The following NEK8 variants were observed in gnomAD, a reference collection of about 807,000 sequenced individuals.
NEK8 encodes the protein serine/threonine-protein kinase Nek8.
A neutral mutation model predicts 77.2 loss-of-function variants in NEK8; 51 were observed. The ratio of observed to expected loss-of-function variants is 0.66; its 90% CI spans 0.53 to 0.83. The LOEUF (loss-of-function observed/expected upper bound fraction) is 0.83. Among genes scored for constraint, NEK8 ranks in the 40% least tolerant of loss-of-function variants. NEK8 has a pLI of 0.00. For synonymous variants in NEK8, 365 were observed against 363.2 expected (o/e 1.00, Z -0.06); for missense variants, 787 against 909.2 (o/e 0.87, Z 1.73).
intron 1 of NEK8, among the ~76,000 whole-genome samples, chr17:28,730,760 T>TA (rs1346785302): frequency 2.7e-5 from 4 of 148,936 alleles, no homozygotes; most frequent in Non-Finnish European, 6.0e-5. Flanking sequence ...TACAAAAAAA[T>TA]AAAAAAATTA....
chr17:28,740,806 C>T lies in NEK8; in HGVS notation c.1569-16C>T. 1 of 1,613,228 alleles carries T rather than the reference C, an allele frequency of 6.2e-7. No individual in the cohort carries two copies. Among genetic ancestry groups the T allele is most frequent in the Non-Finnish European group, 8.5e-7 (1 of 1,180,030 alleles). On this transcript the variant is annotated splice_polypyrimidine_tract_variant and intron_variant, in intron 11 of 14. Coordinates refer to ENST00000268766, the MANE Select transcript of NEK8 (RefSeq NM_178170.3). This position sits in a 1 kb window ranked among gnomAD's most constrained non-coding sequence, Gnocchi z 4.7. ...ACTGTCTGTCAGTTGGATTTGGCTT[C>T]TGGCTCTGCCCTCAGGTTCAACAAG...
At chr17:28,735,183 A>T in intron 3 of NEK8, 57 bp from the exon 4 acceptor site, 1 of 1,609,750 alleles carries the variant, frequency 6.2e-7, no homozygotes, top group Non-Finnish European at 8.5e-7. Context: ...GGGCTTATGC[A>T]CAGAGCCCCT....
Position 28,734,068 on chromosome 17 carries a change from C to A in NEK8, c.133C>A (p.Arg45=). The part of the protein sequence containing the change: ...IPVEQMTKEE[R]QAAQNECQVL... ...AGTGGAACAGATGACCAAGGAAGAG[C>A]GGCAGGCAGCCCAGAATGAGTGCCA... The change falls in exon 2 of 15, where the codon CGG becomes AGG. Residue 45 remains arginine (R), a synonymous_variant. Transcript: ENST00000268766. The A allele has an allele frequency of 2.5e-6, 4 of 1,614,156 alleles. No individual in the cohort carries two copies. Among genetic ancestry groups the A allele is most frequent in the Non-Finnish European group, 3.4e-6 (4 of 1,179,994 alleles).
rs1393326771 is a variant in NEK8, at chr17:28,737,041, T to G, written c.619-265T>G. Among the ~76,000 whole-genome samples, 447 of 127,238 alleles carry G rather than the reference T, an allele frequency of 3.5e-3. No individual in the cohort carries two copies. The highest frequency in any genetic ancestry group is 6.5e-3 in the South Asian group (25 of 3,872). The allele number at this position is 127,238 out of a possible 152,430, so 83.5% of individuals were successfully genotyped here. A position where few individuals can be genotyped will look rare whatever the true frequency, so the allele number is the denominator to read the frequency against. On this transcript the variant is annotated intron_variant, in intron 4 of 14. Coordinates refer to ENST00000268766, the MANE Select transcript of NEK8 (RefSeq NM_178170.3). The surrounding 1 kb of genome is among the most constrained non-coding windows in gnomAD (Gnocchi z 4.8). ...ATTAAATAGGGAATCCTTTCCCCAT[T>G]TCTTGTTTTTCTCAGGTTTGTCAAA...
Position 28,741,359 on chromosome 17 carries a change from CCTGCTCGGG to C in NEK8, c.1892-50_1892-42del. On this transcript the variant is annotated intron_variant, in intron 13 of 14. Coordinates refer to ENST00000268766, the MANE Select transcript of NEK8 (RefSeq NM_178170.3). This position sits in a 1 kb window ranked among gnomAD's most constrained non-coding sequence, Gnocchi z 4.5. The stretch of plus-strand genomic sequence containing the variant: ...ATCCTGGCAATGTGGGAGGGGAGAT[CCTGCTCGGG>C]CTGTGCCCACTTCCCACTTCCCTCC... 1 of 1,603,726 alleles carries C rather than the reference CCTGCTCGGG, an allele frequency of 6.2e-7. No individual in the cohort carries two copies. Among genetic ancestry groups the C allele is most frequent in the Non-Finnish European group, 8.5e-7 (1 of 1,174,674 alleles).
chr17:28,738,526 C>CA, intron 8 of NEK8, 145 bp from the exon 9 acceptor site: 1 of 781,086 alleles, frequency 1.3e-6, no homozygotes, highest in Non-Finnish European at 2.2e-6. Flanking sequence ...TGAAGGGACT[C>CA]ATATCCTTTT....
intron 1 of NEK8, among the ~76,000 whole-genome samples, chr17:28,729,288 T>C (rs2034282490): frequency 6.6e-6 from 1 of 152,148 alleles, no homozygotes; most frequent in African/African-American, 2.4e-5. Flanking sequence ...GAGGATAGAG[T>C]ACATTACCAG....
At position 28,743,106 on chromosome 17, in the gene NEK8, T is replaced by C. The variant is rs1212864686; in HGVS notation, c.*1119T>C. 4 of 144,606 alleles carry C rather than the reference T, an allele frequency of 2.8e-5. No individual in the cohort carries two copies. Among genetic ancestry groups the C allele is most frequent in the African/African-American group, 1.0e-4 (4 of 38,548 alleles). 9.0% of individuals were successfully genotyped at this position (144,606 alleles called of 1,614,324 possible). ...AAAAAAAAAAAAAAAAAAAAAAGTA[T>C]TTGGTGCTTACCGGGACTCTATCTC... On this transcript the variant is annotated 3_prime_UTR_variant, in exon 15 of 15. Coordinates refer to ENST00000268766, the MANE Select transcript of NEK8 (RefSeq NM_178170.3).
In NEK8 at chr17:28,738,113, G is replaced by C; in HGVS notation, c.1090G>C (p.Gly364Arg). The C allele has an allele frequency of 6.2e-7, 1 of 1,613,822 alleles. No individual in the cohort carries two copies. The highest frequency in any genetic ancestry group is 1.1e-5 in the South Asian group (1 of 91,068). ...ILWEAPPLGA[G>R]GGSLLPGAVE... ...CCTGCAGGCCCCACCCCTAGGTGCAGGCGGAGGCAGTCTCCTTCCTGGGGC... is the reference window on the plus strand; with the variant it reads ...CCTGCAGGCCCCACCCCTAGGTGCACGCGGAGGCAGTCTCCTTCCTGGGGC... The change falls in exon 8 of 15, where the codon GGC (glycine) becomes CGC (arginine). Residue 364 changes from glycine (G) to arginine (R), a missense_variant. Coordinates refer to ENST00000268766, the MANE Select transcript of NEK8 (RefSeq NM_178170.3).
rs761213446 is a variant in NEK8 at position 28,737,414 on chromosome 17, C to A, written c.727C>A (p.Pro243Thr). The change falls in exon 5 of 15, where the codon CCT becomes ACT. Residue 243 changes from proline (P) to threonine (T), a missense_variant. Physicochemically the swap from Pro to Thr is conservative, Grantham distance 38. Coordinates refer to ENST00000268766, the MANE Select transcript of NEK8 (RefSeq NM_178170.3). The surrounding 1 kb of genome is among the most constrained non-coding windows in gnomAD (Gnocchi z 4.8). ...QLVLSLLSLE[P>T]AQRPPLSHIM... ...GGTCCTGAGTCTACTCAGCCTGGAG[C>A]CTGCCCAGCGGCCACCACTCAGCCA... is the stretch of plus-strand genomic sequence containing the variant. The A allele has an allele frequency of 1.9e-5, 31 of 1,613,440 alleles. No individual in the cohort carries two copies. The highest frequency in any genetic ancestry group is 2.6e-5 in the Non-Finnish European group (31 of 1,180,014).
Position 28,740,958 on chromosome 17 carries a change from GGC to G in NEK8, c.1706_1707del (p.Gly569AspfsTer12). The stretch of plus-strand genomic sequence containing the variant: ...GGAGCCTCTGCTGAGTATAGACCTG[GGC>G]ACTGCTCACTCAGCTGCTGTGACTG... ...DQEPLLSIDLGTAHSAAVTAS... is the reference protein window; with the variant it reads ...DQEPLLSIDLXTAHSAAVTAS... On this transcript the variant is annotated frameshift_variant, in exon 12 of 15. Coordinates refer to ENST00000268766, the MANE Select transcript of NEK8 (RefSeq NM_178170.3). LOFTEE classifies it high-confidence loss of function. This position sits in a 1 kb window ranked among gnomAD's most constrained non-coding sequence, Gnocchi z 4.7. 6.2e-7 allele frequency: 1 copy of G among 1,614,150 alleles called. No homozygotes were observed. Among genetic ancestry groups the G allele is most frequent in the African/African-American group, 1.3e-5 (1 of 75,056 alleles).
At chr17:28,735,177 T>C (rs1460679032) in intron 3 of NEK8, 63 bp from the exon 4 acceptor site, 10 of 1,607,808 alleles carry the variant, frequency 6.2e-6, no homozygotes, top group Non-Finnish European at 8.5e-6. Context: ...CCAAATGGGC[T>C]TATGCACAGA....
chr17:28,735,208 G>T, intron 3 of NEK8, 32 bp from the exon 4 acceptor site: 1 of 1,613,602 alleles, frequency 6.2e-7, no homozygotes, highest in Non-Finnish European at 8.5e-7. Context: ...TTCCCTCCCT[G>T]CAGGGCTGTG....
At chr17:28,739,861 A>C (rs1383848820) in intron 10 of NEK8, among the ~76,000 whole-genome samples, 1 of 152,230 alleles carries the variant, frequency 6.6e-6, no homozygotes, top group Non-Finnish European at 1.5e-5. Context: ...GTCTAGTGGG[A>C]GAAAGATGAC....
rs1482079105 is a variant in NEK8 at position 28,742,105 on chromosome 17, A to G, written c.*118A>G. On this transcript the variant is annotated 3_prime_UTR_variant, in exon 15 of 15. Coordinates refer to ENST00000268766, the MANE Select transcript of NEK8 (RefSeq NM_178170.3). ...CTCCTGGATTGTGTCATCATGGGGTATCAGGGCTGGCAAAACCCCTGCTCT... is the reference window on the plus strand; with the variant it reads ...CTCCTGGATTGTGTCATCATGGGGTGTCAGGGCTGGCAAAACCCCTGCTCT... The G allele has an allele frequency of 3.8e-6, 4 of 1,063,932 alleles. No individual in the cohort carries two copies. The highest frequency in any genetic ancestry group is 5.9e-6 in the Non-Finnish European group (4 of 679,296). 65.9% of individuals were successfully genotyped at this position (1,063,932 alleles called of 1,614,324 possible).
chr17:28,741,872 A>C lies in NEK8; in HGVS notation c.2051-87A>C. The C allele has an allele frequency of 7.2e-7, 1 of 1,381,490 alleles. No individual in the cohort carries two copies. The highest frequency in any genetic ancestry group is 1.0e-6 in the Non-Finnish European group (1 of 967,548). The allele number at this position is 1,381,490 out of a possible 1,614,324, so 85.6% of individuals were successfully genotyped here. ...TCTGGCCTAACAGGGTCCAGAATCC[A>C]GGGCCCAGTGGGAGTGGGAGGTGGG... On this transcript the variant is annotated intron_variant, in intron 14 of 14. Coordinates refer to ENST00000268766, the MANE Select transcript of NEK8 (RefSeq NM_178170.3). The surrounding 1 kb of genome is among the most constrained non-coding windows in gnomAD (Gnocchi z 4.5).
intron 1 of NEK8, among the ~76,000 whole-genome samples, chr17:28,729,384 C>A (rs965198601): frequency 2.6e-5 from 4 of 152,186 alleles, no homozygotes; most frequent in African/African-American, 9.7e-5. Flanking sequence ...AAGACAGAGT[C>A]TCCCTCTGTC....
At chr17:28,738,519 AG>A in intron 8 of NEK8, 151 bp from the exon 9 acceptor site, 1 of 762,480 alleles carries the variant, frequency 1.3e-6, no homozygotes, top group Admixed American at 2.0e-5. Context: ...ATATGTTTGA[AG>A]GGACTCATAT....
chr17:28,735,440 G>A, intron 4 of NEK8, 69 bp downstream of exon 4: 1 of 1,547,330 alleles, frequency 6.5e-7, no homozygotes, highest in South Asian at 1.2e-5. Flanking sequence ...CTTGGCTCAA[G>A]CCACCTCAGG....
Sources: allele counts gnomAD v4.1 joint callset (sites outside exome capture counted in the v4.1 genomes callset), GRCh38; gene constraint gnomAD v4.1.1; non-coding constraint Gnocchi (gnomAD v3.1); transcripts MANE v1.5; gene names NCBI Gene and HGNC (gene_info 2026-07-23, HGNC 2026-07-21).